TBCD: variants seen among roughly 807,000 people sequenced by gnomAD.
TBCD encodes tubulin folding cofactor D.
A neutral mutation model predicts 169.3 loss-of-function variants in TBCD; 105 were observed. The observed-to-expected ratio is 0.62, with a 90% confidence interval of 0.53 to 0.73. The LOEUF (loss-of-function observed/expected upper bound fraction) is 0.73, where lower values mean the gene tolerates loss of function less well. TBCD is among the 30% of genes least tolerant of loss of function. The pLI is 0.00. For synonymous variants in TBCD, 700 were observed against 643.9 expected (o/e 1.09, Z -1.32); for missense variants, 1,444 against 1,600.1 (o/e 0.90, Z 1.66).
At chr17:82,754,314 C>T (rs2047290100) in intron 1 of TBCD, among the ~76,000 whole-genome samples, 1 of 152,174 alleles carries the variant, frequency 6.6e-6, no homozygotes, top group South Asian at 2.1e-4. Flanking sequence ...TGAATCGCGT[C>T]TGCGTGGGGC....
At position 82,797,739 on chromosome 17, in the gene TBCD, CTTTTTT is replaced by C. The variant is rs36020328; in HGVS notation, c.772-8_772-3del. The C allele has an allele frequency of 1.7e-5, 23 of 1,331,934 alleles. No individual in the cohort carries two copies. In the African/African-American group the frequency reaches 2.9e-4, roughly 17 times the overall value. 82.5% of individuals were successfully genotyped at this position (1,331,934 alleles called of 1,614,324 possible). A position where few individuals can be genotyped will look rare whatever the true frequency, so the allele number is the denominator to read the frequency against. ...TATTTGTATTTGTAACATTAAAAATCTTTTTTTTTTTTTTTAGGCACAAATATTTAA... is the reference window on the plus strand; with the variant it reads ...TATTTGTATTTGTAACATTAAAAATCTTTTTTTTTAGGCACAAATATTTAA... On this transcript the variant is annotated splice_polypyrimidine_tract_variant and intron_variant, in intron 7 of 38. Transcript: ENST00000355528.
intron 19 of TBCD, among the ~76,000 whole-genome samples, chr17:82,904,229 C>A (rs147785137): frequency 7.1e-6 from 1 of 140,994 alleles, no homozygotes; most frequent in Non-Finnish European, 1.6e-5. Context: ...TCCTTGGTCT[C>A]TAGGTGGCTT....
chr17:82,922,348 C>CAAG lies in TBCD; in HGVS notation c.2178+773_2178+775dup, dbSNP rs1009695831. 1.3e-5 allele frequency among the ~76,000 whole-genome samples: 2 copies of CAAG among 151,798 alleles called. No homozygotes were observed. The highest frequency in any genetic ancestry group is 2.9e-5 in the Non-Finnish European group (2 of 67,976). Reference sequence around the variant, plus strand: ...TGCACTCCAGCCTGGGTGACAAGAGCAAGACCCTGCCTCAAAAACAAAAAC... The same window carrying CAAG: ...TGCACTCCAGCCTGGGTGACAAGAGCAAGAAGACCCTGCCTCAAAAACAAAAAC... On this transcript the variant is annotated intron_variant, in intron 25 of 38. Coordinates refer to ENST00000355528, the MANE Select transcript of TBCD (RefSeq NM_005993.5). This position sits in a 1 kb window ranked among gnomAD's most constrained non-coding sequence, Gnocchi z 4.1.
intron 23 of TBCD, among the ~76,000 whole-genome samples, chr17:82,916,148 C>T: frequency 6.6e-6 from 1 of 152,160 alleles, no homozygotes; most frequent in Non-Finnish European, 1.5e-5. Flanking sequence ...CTAAGAGGAC[C>T]ATTTTCTCTT....
chr17:82,942,663 C>T lies in TBCD; in HGVS notation c.*200C>T. 1.6e-6 allele frequency: 1 copy of T among 639,530 alleles called. No individual in the cohort carries two copies. 39.6% of individuals were successfully genotyped at this position (639,530 alleles called of 1,614,324 possible). A position where few individuals can be genotyped will look rare whatever the true frequency, so the allele number is the denominator to read the frequency against. On this transcript the variant is annotated 3_prime_UTR_variant, in exon 39 of 39. Transcript: ENST00000355528. ...CTTGGGGTGGACGCCTCTGCCTTCA[C>T]TTGAACACAAATGTGCTTCCTATAA...
At chr17:82,856,544 C>T (rs905162399) in intron 13 of TBCD, among the ~76,000 whole-genome samples, 4 of 152,192 alleles carry the variant, frequency 2.6e-5, no homozygotes, top group African/African-American at 4.8e-5. Context: ...TGTGGCCTTT[C>T]GTAGATGATG....
Position 82,942,543 on chromosome 17 carries a change from GCA to G in TBCD, c.*83_*84del, listed in dbSNP as rs753446301. 2.6e-5 allele frequency: 41 copies of G among 1,588,088 alleles called. No individual in the cohort carries two copies. In the African/African-American group the frequency reaches 3.9e-4, roughly 15 times the overall value. On this transcript the variant is annotated 3_prime_UTR_variant, in exon 39 of 39. Transcript: ENST00000355528. ...GAGGGAGGCCGGTGTGGAAAGCCTC[GCA>G]CAGTGGTGCCTCCAGCTGTTGAAGG...
intron 34 of TBCD, chr17:82,932,979 G>A (rs1295060474): frequency 1.7e-5 from 9 of 517,376 alleles, no homozygotes; most frequent in East Asian, 1.1e-4. Context: ...GGGCTGAGGC[G>A]GGGGCCCTGC....
At chr17:82,824,394 A>T (rs2052667429) in intron 13 of TBCD, among the ~76,000 whole-genome samples, 1 of 152,108 alleles carries the variant, frequency 6.6e-6, no homozygotes. Context: ...CATGTTAGCC[A>T]GGATGGTCTC....
intron 2 of TBCD, among the ~76,000 whole-genome samples, chr17:82,758,801 A>G (rs2047594130): frequency 6.6e-6 from 1 of 151,348 alleles, no homozygotes; most frequent in Non-Finnish European, 1.5e-5. Flanking sequence ...CTGGGATTAC[A>G]GGCGTGTGCT....
rs774685638 is a variant in TBCD, at chr17:82,930,890, G to C, written c.3113+247G>C. 6.6e-6 allele frequency among the ~76,000 whole-genome samples: 1 copy of C among 152,208 alleles called. No homozygotes were observed. The highest frequency in any genetic ancestry group is 1.5e-5 in the Non-Finnish European group (1 of 68,040). Reference sequence around the variant, plus strand: ...CATGAGGCAGGGAAATGACCGTTGTGTGTACAATGGACGTAAAGGTAGTAT... The same window carrying C: ...CATGAGGCAGGGAAATGACCGTTGTCTGTACAATGGACGTAAAGGTAGTAT... On this transcript the variant is annotated intron_variant, in intron 33 of 38. Transcript: ENST00000355528. This position sits in a 1 kb window ranked among gnomAD's most constrained non-coding sequence, Gnocchi z 5.2.
At chr17:82,759,633 TTTTAGAAATA>T (rs1437300398) in intron 2 of TBCD, among the ~76,000 whole-genome samples, 1 of 152,128 alleles carries the variant, frequency 6.6e-6, no homozygotes, top group African/African-American at 2.4e-5. Context: ...TCTACTGAAG[TTTTAGAAATA>T]TTTAGCTTGT....
chr17:82,841,706 C>T (rs1488956840), intron 13 of TBCD, among the ~76,000 whole-genome samples: 1 of 152,168 alleles, frequency 6.6e-6, no homozygotes, highest in South Asian at 2.1e-4. Flanking sequence ...CGTTTTATTA[C>T]GTCTTAGGAT....
intron 20 of TBCD, among the ~76,000 whole-genome samples, chr17:82,907,528 A>C (rs8070403): frequency 6.6e-6 from 1 of 152,104 alleles, no homozygotes; most frequent in Non-Finnish European, 1.5e-5. Context: ...AAAATAACAA[A>C]AGAATGCAAT....
chr17:82,864,144 G>A lies in TBCD; in HGVS notation c.1319-6080G>A, dbSNP rs2056988678. 6.6e-6 allele frequency: 1 copy of A among 152,278 alleles called. No homozygotes were observed. Among genetic ancestry groups the A allele is most frequent in the African/African-American group, 2.4e-5 (1 of 41,468 alleles). 9.4% of individuals were successfully genotyped at this position (152,278 alleles called of 1,614,324 possible). ...TTGCGGCATGGCTGCCATCTGTGTTGTGGCCTGGGACTTTCTTAGAGAGTG... is the reference window on the plus strand; with the variant it reads ...TTGCGGCATGGCTGCCATCTGTGTTATGGCCTGGGACTTTCTTAGAGAGTG... On this transcript the variant is annotated intron_variant, in intron 13 of 38. Transcript: ENST00000355528. This position sits in a 1 kb window ranked among gnomAD's most constrained non-coding sequence, Gnocchi z 6.3.
In TBCD at chr17:82,831,328, T is replaced by G; in HGVS notation, c.1318+16394T>G. 1 of 1,614,012 alleles carries G rather than the reference T, an allele frequency of 6.2e-7. No individual in the cohort carries two copies. Reference sequence around the variant, plus strand: ...AGCCTCAGGAATTGGACTTTCGAACTCGACGTGTTTTCTGTTGGGGTCCGA... The same window carrying G: ...AGCCTCAGGAATTGGACTTTCGAACGCGACGTGTTTTCTGTTGGGGTCCGA... On this transcript the variant is annotated intron_variant, in intron 13 of 38. Transcript: ENST00000355528. This position sits in a 1 kb window ranked among gnomAD's most constrained non-coding sequence, Gnocchi z 4.6.
At chr17:82,895,530 T>C (rs2059415348) in intron 17 of TBCD, among the ~76,000 whole-genome samples, 1 of 152,074 alleles carries the variant, frequency 6.6e-6, no homozygotes, top group African/African-American at 2.4e-5. Context: ...CAGGTCTTTG[T>C]TTTGAACATA....
chr17:82,836,678 A>G (rs2054002349), intron 13 of TBCD, among the ~76,000 whole-genome samples: 2 of 150,682 alleles, frequency 1.3e-5, no homozygotes, highest in Admixed American at 1.3e-4. Flanking sequence ...CATTGCTGAT[A>G]CTTTTAGGCA....
Position 82,762,497 on chromosome 17 carries a change from C to G in TBCD, c.236-1468C>G, listed in dbSNP as rs1402723202. Among the ~76,000 whole-genome samples, 9 of 152,110 alleles carry G rather than the reference C, an allele frequency of 5.9e-5. No homozygotes were observed. The South Asian group carries it at 8.3e-4, about 14-fold the overall frequency. On this transcript the variant is annotated intron_variant, in intron 2 of 38. Coordinates refer to ENST00000355528, the MANE Select transcript of TBCD (RefSeq NM_005993.5). ...GGCGCGGTGGCTCCTACCTGTAATT[C>G]TAGCACTTTGGGAGACTGAGGCAGG...
Sources: gnomAD v4.1 joint callset for allele counts (sites outside exome capture counted in the v4.1 genomes callset) on GRCh38, gnomAD v4.1.1 for gene constraint, Gnocchi (gnomAD v3.1) non-coding constraint, MANE v1.5 for transcripts, NCBI Gene and HGNC (gene_info 2026-07-23, HGNC 2026-07-21) for gene names.